TERT: variants seen among roughly 807,000 people sequenced by gnomAD.
TERT encodes telomerase catalytic subunit.
TERT carries 42 observed loss-of-function variants against 104.0 expected under a neutral mutation model. That is an observed-to-expected ratio of 0.40 (90% CI 0.32 to 0.52). The LOEUF (loss-of-function observed/expected upper bound fraction) is 0.52, where lower values mean the gene tolerates loss of function less well. Ranked by LOEUF, TERT falls within the 20% of genes least tolerant of loss-of-function variation. The probability of loss-of-function intolerance (pLI) is 0.43; values close to 1 mark genes in which losing one functional copy is unlikely to be tolerated. For synonymous variants in TERT, 781 were observed against 725.6 expected (o/e 1.08, Z -1.23); for missense variants, 1,101 against 1,610.3 (o/e 0.68, Z 5.41).
intron 11 of TERT, 70 bp downstream of exon 11, chr5:1,264,334 G>T (rs1344601636): frequency 6.7e-6 from 10 of 1,500,078 alleles, no homozygotes; most frequent in Non-Finnish European, 8.1e-6. Context: ...AGCAGAGGTG[G>T]ACGCAACGGC....
At position 1,294,232 on chromosome 5, in the gene TERT, G is replaced by A; in HGVS notation, c.654C>T (p.Ala218=). Residue 218 remains alanine (A), a synonymous_variant, in exon 2 of 16, where the codon GCC becomes GCT. Transcript: ENST00000310581. ...TGCCCCCGCGCCTCCTCGCACCCGGGGCTGGCAGGCCCAGGGGGACCCCGG... is the reference window on the plus strand; with the variant it reads ...TGCCCCCGCGCCTCCTCGCACCCGGAGCTGGCAGGCCCAGGGGGACCCCGG... ...REAGVPLGLP[A]PGARRRGGSA... The A allele has an allele frequency of 6.3e-7, 1 of 1,588,100 alleles. No homozygotes were observed. Among genetic ancestry groups the A allele is most frequent in the Non-Finnish European group, 8.5e-7 (1 of 1,173,210 alleles).
chr5:1,283,164 G>A (rs1401066132), intron 2 of TERT, among the ~76,000 whole-genome samples: 5 of 140,054 alleles, frequency 3.6e-5, no homozygotes, highest in African/African-American at 2.7e-5. Flanking sequence ...AGGGCCTGGC[G>A]ACCTCACCCC....
chr5:1,266,586 G>C (rs1172466439), intron 9 of TERT, 51 bp from the exon 10 acceptor site: 1 of 1,418,452 alleles, frequency 7.0e-7, no homozygotes, highest in African/African-American at 1.4e-5. Flanking sequence ...TTTTTACGTA[G>C]TATCTGTCTA....
At chr5:1,267,236 C>T (rs1040250180) in intron 9 of TERT, among the ~76,000 whole-genome samples, 2 of 152,216 alleles carry the variant, frequency 1.3e-5, no homozygotes, top group African/African-American at 2.4e-5. Context: ...AGGAAAAACC[C>T]GGAGTCTTCG....
At position 1,274,024 on chromosome 5, in the gene TERT, G is replaced by A. The variant is rs374870973; in HGVS notation, c.2287-1744C>T. Among the ~76,000 whole-genome samples the A allele has an allele frequency of 1.0e-3, 155 of 152,298 alleles. No individual in the cohort carries two copies. Among genetic ancestry groups the A allele is most frequent in the African/African-American group, 3.5e-3 (146 of 41,570 alleles). The stretch of plus-strand genomic sequence containing the variant: ...CCCCAGGACGCTTGTCATTTACTAC[G>A]GGACCTGCTAAGCCCCTGCGTCCCC... On this transcript the variant is annotated intron_variant, in intron 6 of 15. Coordinates refer to ENST00000310581, the MANE Select transcript of TERT (RefSeq NM_198253.3). This position sits in a 1 kb window ranked among gnomAD's most constrained non-coding sequence, Gnocchi z 5.3.
intron 11 of TERT, 115 bp from the exon 12 acceptor site, chr5:1,260,715 G>C: frequency 2.0e-6 from 3 of 1,475,936 alleles, no homozygotes; most frequent in Non-Finnish European, 2.8e-6. Context: ...TCCTGCCTGG[G>C]GCATGCGCTG....
intron 3 of TERT, 93 bp downstream of exon 3, chr5:1,282,336 G>T: frequency 7.3e-7 from 1 of 1,375,402 alleles, no homozygotes. Flanking sequence ...GCACAGCCAG[G>T]GAAGCACAGG....
Position 1,263,854 on chromosome 5 carries a change from C to T in TERT, c.2843+550G>A, listed in dbSNP as rs2126593079. 6.6e-6 allele frequency among the ~76,000 whole-genome samples: 1 copy of T among 152,344 alleles called. No individual in the cohort carries two copies. The highest frequency in any genetic ancestry group is 2.1e-4 in the South Asian group (1 of 4,830). On this transcript the variant is annotated intron_variant, in intron 11 of 15. Coordinates refer to ENST00000310581, the MANE Select transcript of TERT (RefSeq NM_198253.3). This position sits in a 1 kb window ranked among gnomAD's most constrained non-coding sequence, Gnocchi z 5.3. ...AGACCCCAGAATTTTGTAGAGACCC[C>T]CCCCACACCATGGCCCTGTCCCCTG...
At position 1,292,331 on chromosome 5, in the gene TERT, C is replaced by T. The variant is rs34052286; in HGVS notation, c.1573+982G>A. Among the ~76,000 whole-genome samples, 3,929 of 152,048 alleles carry T rather than the reference C, an allele frequency of 0.026. 166 individuals carry two copies. The highest frequency in any genetic ancestry group is 0.088 in the African/African-American group (3,633 of 41,424). ...AATCCAGAAAAACAGGGTGGGGACA[C>T]GGCAGGGCCCAGCAGCACCATCCCC... On this transcript the variant is annotated intron_variant, in intron 2 of 15. Coordinates refer to ENST00000310581, the MANE Select transcript of TERT (RefSeq NM_198253.3). The surrounding 1 kb of genome is among the most constrained non-coding windows in gnomAD (Gnocchi z 5.5).
rs1579575778 is a variant in TERT at position 1,279,336 on chromosome 5, C to T, written c.2085G>A (p.Leu695=). The T allele has an allele frequency of 3.2e-6, 5 of 1,585,722 alleles. No individual in the cohort carries two copies. Among genetic ancestry groups the T allele is most frequent in the Non-Finnish European group, 3.4e-6 (4 of 1,168,290 alleles). Residue 695 remains leucine, a synonymous_variant, in exon 5 of 16, where the codon CTG becomes CTA. Transcript: ENST00000310581. Reference sequence around the variant, plus strand: ...GCGGCGGGTCCTGGGCCCGCACACGCAGCACGAAGGTGCGCCAGGCCCTGT... The same window carrying T: ...GCGGCGGGTCCTGGGCCCGCACACGTAGCACGAAGGTGCGCCAGGCCCTGT... The part of the protein sequence containing the change: ...DIHRAWRTFV[L]RVRAQDPPPE...
intron 2 of TERT, among the ~76,000 whole-genome samples, chr5:1,284,202 C>T (rs565516605): frequency 2.4e-5 from 2 of 84,220 alleles, no homozygotes; most frequent in Non-Finnish European, 2.3e-5. Context: ...CAGGGCCTGG[C>T]GACCTCACCC....
In TERT at chr5:1,278,767, G is replaced by A. The variant is rs1212059525; in HGVS notation, c.2160C>T (p.Ile720=). The part of the protein sequence containing the change: ...KVDVTGAYDT[I]PQDRLTEVIA... Reference sequence around the variant, plus strand: ...TGACCTCCGTGAGCCTGTCCTGGGGGATGGTGTCGTACGCGCCCGTCACAT... The same window carrying A: ...TGACCTCCGTGAGCCTGTCCTGGGGAATGGTGTCGTACGCGCCCGTCACAT... The change falls in exon 6 of 16, where the codon ATC becomes ATT. Residue 720 remains isoleucine, a synonymous_variant. Transcript: ENST00000310581. The A allele has an allele frequency of 1.2e-6, 2 of 1,614,034 alleles. No individual in the cohort carries two copies. Among genetic ancestry groups the A allele is most frequent in the African/African-American group, 1.3e-5 (1 of 74,938 alleles).
Position 1,287,139 on chromosome 5 carries a change from T to C in TERT, c.1574-4515A>G, listed in dbSNP as rs1750543269. ...AGGTTATCCAGTTAAACAACGACTG[T>C]CAGACTGGATTGGAAATTCACCTAC... is the stretch of plus-strand genomic sequence containing the variant. On this transcript the variant is annotated intron_variant, in intron 2 of 15. Transcript: ENST00000310581. The surrounding 1 kb of genome is among the most constrained non-coding windows in gnomAD (Gnocchi z 4.3). Among the ~76,000 whole-genome samples, 2 of 152,064 alleles carry C rather than the reference T, an allele frequency of 1.3e-5. No individual in the cohort carries two copies. The highest frequency in any genetic ancestry group is 4.1e-4 in the South Asian group (2 of 4,820).
rs919266797 is a variant in TERT, at chr5:1,265,733, C to T, written c.2654+731G>A. ...GCCCAGCAAAGCACCTGAAACCACC[C>T]CTGGCGGCCACATTTTCTGAGGGTT... On this transcript the variant is annotated intron_variant, in intron 10 of 15. Coordinates refer to ENST00000310581, the MANE Select transcript of TERT (RefSeq NM_198253.3). This position sits in a 1 kb window ranked among gnomAD's most constrained non-coding sequence, Gnocchi z 6.9. 1.8e-4 allele frequency among the ~76,000 whole-genome samples: 28 copies of T among 152,236 alleles called. No individual in the cohort carries two copies. Among genetic ancestry groups the T allele is most frequent in the African/African-American group, 6.5e-4 (27 of 41,544 alleles).
chr5:1,259,727 C>T (rs1748069253), intron 12 of TERT, among the ~76,000 whole-genome samples: 1 of 127,972 alleles, frequency 7.8e-6, no homozygotes, highest in Non-Finnish European at 1.6e-5. Flanking sequence ...CAGATGCCCA[C>T]AGAAGAGGGA....
chr5:1,262,641 G>A lies in TERT; in HGVS notation c.2843+1763C>T, dbSNP rs1748313289. ...GCCTTTGGGAGCACAGAATATTCTG[G>A]CATTGGACCCACATCTGATGACCTG... On this transcript the variant is annotated intron_variant, in intron 11 of 15. Transcript: ENST00000310581. The surrounding 1 kb of genome is among the most constrained non-coding windows in gnomAD (Gnocchi z 5.6). Among the ~76,000 whole-genome samples, 1 of 152,134 alleles carries A rather than the reference G, an allele frequency of 6.6e-6. No individual in the cohort carries two copies. Among genetic ancestry groups the A allele is most frequent in the South Asian group, 2.1e-4 (1 of 4,826 alleles).
At position 1,294,589 on chromosome 5, in the gene TERT, G is replaced by A. The variant is rs746607875; in HGVS notation, c.297C>T (p.Phe99=). The change falls in exon 2 of 16, where the codon TTC becomes TTT. Residue 99 remains phenylalanine, a synonymous_variant. Transcript: ENST00000310581. ...GGGCCCCGTCCAGCAGCGCGAAGCCGAAGGCCAGCACGTTCTTCGCGCCGC... is the reference window on the plus strand; with the variant it reads ...GGGCCCCGTCCAGCAGCGCGAAGCCAAAGGCCAGCACGTTCTTCGCGCCGC... ...CERGAKNVLA[F]GFALLDGARG... 8.3e-5 allele frequency: 133 copies of A among 1,592,868 alleles called. No individual in the cohort carries two copies. The highest frequency in any genetic ancestry group is 1.1e-4 in the Non-Finnish European group (131 of 1,177,504).
intron 3 of TERT, among the ~76,000 whole-genome samples, chr5:1,280,815 C>G (rs1325956322): frequency 7.6e-6 from 1 of 131,244 alleles, no homozygotes; most frequent in African/African-American, 2.7e-5. Context: ...GGAGCAGAAT[C>G]AGCTCTCATG....
rs764350001 is a variant in TERT, at chr5:1,294,504, T to C, written c.382A>G (p.Thr128Ala). 1.3e-6 allele frequency: 2 copies of C among 1,584,058 alleles called. No individual in the cohort carries two copies. The change falls in exon 2 of 16, where the codon ACC becomes GCC. Residue 128 changes from threonine (T) to alanine (A), a missense_variant. By Grantham distance (58) the Thr-to-Ala change is moderately conservative. Transcript: ENST00000310581. Reference sequence around the variant, plus strand: ...GCCCCGCTCCCCCGCAGTGCGTCGGTCACCGTGTTGGGCAGGTAGCTGCGC... The same window carrying C: ...GCCCCGCTCCCCCGCAGTGCGTCGGCCACCGTGTTGGGCAGGTAGCTGCGC... ...SVRSYLPNTV[T>A]DALRGSGAWG...
Sources: allele counts gnomAD v4.1 joint callset (sites outside exome capture counted in the v4.1 genomes callset), GRCh38; gene constraint gnomAD v4.1.1; non-coding constraint Gnocchi (gnomAD v3.1); transcripts MANE v1.5; gene names NCBI Gene and HGNC (gene_info 2026-07-23, HGNC 2026-07-21).